PDK3: variants seen among roughly 807,000 people sequenced by gnomAD.
PDK3 encodes pyruvate dehydrogenase kinase, isozyme 3.
A neutral mutation model predicts 32.0 loss-of-function variants in PDK3; 12 were observed. The ratio of observed to expected loss-of-function variants is 0.37; its 90% CI spans 0.24 to 0.61. The LOEUF (loss-of-function observed/expected upper bound fraction) is 0.61, where lower values mean the gene tolerates loss of function less well. Among genes scored for constraint, PDK3 ranks in the 20% least tolerant of loss-of-function variants. The pLI, the probability that PDK3 is intolerant of heterozygous loss-of-function variation, is 0.65. For synonymous variants in PDK3, 122 were observed against 116.3 expected (o/e 1.05, Z -0.31); for missense variants, 188 against 316.9 (o/e 0.59, Z 3.09).
chrX:24,472,751 G>A (rs1386234791), intron 1 of PDK3, among the ~76,000 whole-genome samples: 13 of 91,340 alleles, frequency 1.4e-4, no homozygotes, highest in Non-Finnish European at 2.0e-4. Context: ...GCAATGGTGC[G>A]ATCTGGGCTC....
chrX:24,527,647 C>A lies in PDK3; in HGVS notation c.824C>A (p.Thr275Asn). 1 of 1,172,657 alleles carries A rather than the reference C, an allele frequency of 8.5e-7. No homozygotes were observed. The highest frequency in any genetic ancestry group is 1.2e-6 in the Non-Finnish European group (1 of 863,543). ...TACCCTGCTGTTAAAACCCTCGTTA[C>A]TTTGGGTAAAGAAGACTTATCCATT... ...EGYPAVKTLVTLGKEDLSIKI... is the reference protein window; with the variant it reads ...EGYPAVKTLVNLGKEDLSIKI... Residue 275 changes from threonine to asparagine, a missense_variant, in exon 8 of 11, where the codon ACT becomes AAT. Coordinates refer to ENST00000379162, the MANE Select transcript of PDK3 (RefSeq NM_005391.5).
chrX:24,505,936 G>A (rs897296120), intron 5 of PDK3, among the ~76,000 whole-genome samples: 1 of 111,430 alleles, frequency 9.0e-6, no homozygotes, highest in Non-Finnish European at 1.9e-5. Context: ...TCATTGTTAC[G>A]GTTACTTTGT....
At chrX:24,499,303 CTG>C (rs1216707933) in intron 3 of PDK3, among the ~76,000 whole-genome samples, 1 of 110,642 alleles carries the variant, frequency 9.0e-6, no homozygotes, top group African/African-American at 3.3e-5. Context: ...AGCTCAAAAA[CTG>C]TAGTGGTTTT....
chrX:24,511,704 C>T (rs12007350), intron 5 of PDK3, among the ~76,000 whole-genome samples: 11,772 of 110,351 alleles, frequency 0.11, 869 homozygotes, highest in African/African-American at 0.26. Flanking sequence ...AAAAGTTAGA[C>T]GGGCATGGTG....
intron 5 of PDK3, among the ~76,000 whole-genome samples, chrX:24,517,021 C>G (rs1224143416): frequency 1.8e-5 from 2 of 109,575 alleles, no homozygotes; most frequent in African/African-American, 6.7e-5. Context: ...GTCTTGAACT[C>G]CTGACCTCAA....
chrX:24,541,954 C>T (rs1339295774), exon 12 of PDK3, among the ~76,000 whole-genome samples: 1 of 111,912 alleles, frequency 8.9e-6, no homozygotes, highest in East Asian at 2.8e-4. Context: ...GCTTAATAAA[C>T]AATGTTAATA....
At chrX:24,469,771 A>G (rs1221712021) in intron 1 of PDK3, among the ~76,000 whole-genome samples, 1 of 111,541 alleles carries the variant, frequency 9.0e-6, no homozygotes, top group Non-Finnish European at 1.9e-5. Flanking sequence ...AGCCTGGGGG[A>G]TGTACATGTA....
At position 24,518,930 on chromosome X, in the gene PDK3, C is replaced by A; in HGVS notation, c.596-3C>A. 1.7e-6 allele frequency: 2 copies of A among 1,177,911 alleles called. No homozygotes were observed. Among genetic ancestry groups the A allele is most frequent in the Non-Finnish European group, 2.3e-6 (2 of 872,475 alleles). On this transcript the variant is annotated splice_polypyrimidine_tract_variant and splice_region_variant and intron_variant, in intron 5 of 10. Coordinates refer to ENST00000379162, the MANE Select transcript of PDK3 (RefSeq NM_005391.5). ...GCAGCTAAACTTTTTCCTTTTCTTG[C>A]AGATGCATATGAAACAGCCAAGATG...
intron 1 of PDK3, among the ~76,000 whole-genome samples, chrX:24,485,818 C>T (rs1162531280): frequency 9.0e-6 from 1 of 111,384 alleles, no homozygotes; most frequent in Non-Finnish European, 1.9e-5. Context: ...ACAGGGCTCC[C>T]AGTCTTTAGC....
In PDK3 at chrX:24,534,141, A is replaced by G; in HGVS notation, c.*69A>G. ...ATAAAGGTGTCCCACTCACTGTTCC[A>G]GGAATTCTTGCAGTGTAGAGGTATT... is the stretch of plus-strand genomic sequence containing the variant. On this transcript the variant is annotated 3_prime_UTR_variant, in exon 11 of 11. Transcript: ENST00000379162. The G allele has an allele frequency of 9.1e-7, 1 of 1,097,980 alleles. No individual in the cohort carries two copies. Among genetic ancestry groups the G allele is most frequent in the East Asian group, 3.2e-5 (1 of 31,745 alleles). 90.5% of individuals were successfully genotyped at this position (1,097,980 alleles called of 1,213,427 possible).
rs1467321768 is a variant in PDK3 at position 24,510,053 on chromosome X, A to G, written c.595+4755A>G. Reference sequence around the variant, plus strand: ...TGAAATTACTGTGAGTAAGAAAACGATTAGATTACAGGGCAGCACGGAGTA... The same window carrying G: ...TGAAATTACTGTGAGTAAGAAAACGGTTAGATTACAGGGCAGCACGGAGTA... On this transcript the variant is annotated intron_variant, in intron 5 of 10. Coordinates refer to ENST00000379162, the MANE Select transcript of PDK3 (RefSeq NM_005391.5). Among the ~76,000 whole-genome samples the G allele has an allele frequency of 8.0e-5, 9 of 112,521 alleles. No individual in the cohort carries two copies. The East Asian group carries it at 1.9e-3, about 24-fold the overall frequency.
chrX:24,502,368 C>T (rs1162844556), intron 3 of PDK3, among the ~76,000 whole-genome samples: 1 of 111,692 alleles, frequency 9.0e-6, no homozygotes, highest in African/African-American at 3.3e-5. Context: ...TCAATATGCT[C>T]GATTTTTATA....
At chrX:24,546,871 G>T (rs763817470) in exon 12 of PDK3, 1 of 112,702 alleles carries the variant, frequency 8.9e-6, no homozygotes, top group Admixed American at 9.4e-5. Flanking sequence ...CATCATTACC[G>T]AAAGTGTCTA....
At position 24,468,476 on chromosome X, in the gene PDK3, T is replaced by G. The variant is rs185279978; in HGVS notation, c.106+2915T>G. 5.7e-3 allele frequency among the ~76,000 whole-genome samples: 641 copies of G among 112,254 alleles called. 3 individuals are homozygous for G. Among genetic ancestry groups the G allele is most frequent in the Non-Finnish European group, 0.01 (537 of 53,233 alleles). Reference sequence around the variant, plus strand: ...CCTGGACTTCTGTTGAATCACTGTTTGGAAGTGTTTACTTGAGTGGTTTTC... The same window carrying G: ...CCTGGACTTCTGTTGAATCACTGTTGGGAAGTGTTTACTTGAGTGGTTTTC... On this transcript the variant is annotated intron_variant, in intron 1 of 10. Coordinates refer to ENST00000379162, the MANE Select transcript of PDK3 (RefSeq NM_005391.5).
chrX:24,526,335 C>A, intron 7 of PDK3, 61 bp downstream of exon 7: 1 of 713,542 alleles, frequency 1.4e-6, no homozygotes, highest in Non-Finnish European at 2.2e-6. Context: ...TGATTCAGGG[C>A]ATAATGGATT....
chrX:24,479,923 A>C (rs1921209348), intron 1 of PDK3, among the ~76,000 whole-genome samples: 1 of 112,317 alleles, frequency 8.9e-6, no homozygotes, highest in Non-Finnish European at 1.9e-5. Context: ...CATTTTACCA[A>C]TTAGGAAACT....
intron 2 of PDK3, among the ~76,000 whole-genome samples, chrX:24,496,441 G>A (rs1310900449): frequency 1.0e-4 from 11 of 109,882 alleles, no homozygotes; most frequent in African/African-American, 3.6e-4. Context: ...GTATTTCATT[G>A]GAACAGGTCT....
chrX:24,529,500 G>A (rs564807377), intron 9 of PDK3, among the ~76,000 whole-genome samples: 2 of 111,664 alleles, frequency 1.8e-5, no homozygotes, highest in African/African-American at 6.5e-5. Context: ...AAACTGGCCT[G>A]TAATCCTAGC....
chrX:24,509,766 A>G lies in PDK3; in HGVS notation c.595+4468A>G, dbSNP rs184188901. Among the ~76,000 whole-genome samples, 8 of 111,428 alleles carry G rather than the reference A, an allele frequency of 7.2e-5. No individual in the cohort carries two copies. The Admixed American group carries it at 7.7e-4, about 11-fold the overall frequency. ...TTCATTCCCTTCATAAACGATGCATACCGATACCCACAGCACACTAAATAC... is the reference window on the plus strand; with the variant it reads ...TTCATTCCCTTCATAAACGATGCATGCCGATACCCACAGCACACTAAATAC... On this transcript the variant is annotated intron_variant, in intron 5 of 10. Transcript: ENST00000379162.
Sources: allele counts gnomAD v4.1 joint callset (sites outside exome capture counted in the v4.1 genomes callset), GRCh38; gene constraint gnomAD v4.1.1; transcripts MANE v1.5; gene names NCBI Gene and HGNC (gene_info 2026-07-23, HGNC 2026-07-21).